Variants in ISL1 observed in about 807,000 individuals in gnomAD.
ISL1 encodes insulin gene enhancer protein ISL-1.
Under a neutral mutation model 35.3 loss-of-function variants are expected in ISL1, and 4 were observed. That is an observed-to-expected ratio of 0.11 (90% CI 0.06 to 0.26). The LOEUF is 0.26. Ranked by LOEUF, ISL1 falls within the 10% of genes least tolerant of loss-of-function variation. ISL1 has a pLI of 1.00. For synonymous variants in ISL1, 186 were observed against 172.3 expected, an observed-to-expected ratio of 1.08 and a Z score of -0.62; for missense variants, 340 against 472.8, an observed-to-expected ratio of 0.72 and a Z score of 2.60.
In ISL1 at chr5:51,383,519, G is replaced by A. The variant is rs1747262787; in HGVS notation, c.-153G>A. Reference sequence around the variant, plus strand: ...TTAAATTGGACTCCTAGATCCGCGAGGGCGCGGCGCAGCCGAGCAGCGGCT... The same window carrying A: ...TTAAATTGGACTCCTAGATCCGCGAAGGCGCGGCGCAGCCGAGCAGCGGCT... On this transcript the variant is annotated 5_prime_UTR_variant, in exon 1 of 6. Coordinates refer to ENST00000230658, the MANE Select transcript of ISL1 (RefSeq NM_002202.3). The A allele has an allele frequency of 1.3e-6, 1 of 742,996 alleles. No homozygotes were observed. Among genetic ancestry groups the A allele is most frequent in the South Asian group, 1.5e-5 (1 of 68,272 alleles). 46.0% of individuals were successfully genotyped at this position (742,996 alleles called of 1,614,324 possible). A position where few individuals can be genotyped will look rare whatever the true frequency, so the allele number is the denominator to read the frequency against.
rs1225957009 is a variant in ISL1, at chr5:51,387,261, AGGAG to A, written c.219-218_219-215del. Reference sequence around the variant, plus strand: ...AAGGAAACGGGAGTAAAAGAAAGGGAGGAGGGAGGGAGGGGAAAAGAGAGATGGG... The same window carrying A: ...AAGGAAACGGGAGTAAAAGAAAGGGAGGAGGGAGGGGAAAAGAGAGATGGG... On this transcript the variant is annotated intron_variant, in intron 2 of 5. Coordinates refer to ENST00000230658, the MANE Select transcript of ISL1 (RefSeq NM_002202.3). This position sits in a 1 kb window ranked among gnomAD's most constrained non-coding sequence, Gnocchi z 4.3. Among the ~76,000 whole-genome samples, 7 of 152,016 alleles carry A rather than the reference AGGAG, an allele frequency of 4.6e-5. No homozygotes were observed. The highest frequency in any genetic ancestry group is 5.9e-5 in the Non-Finnish European group (4 of 68,004).
In ISL1 at chr5:51,389,121, AG is replaced by A. The variant is rs1044640317; in HGVS notation, c.479-524del. Among the ~76,000 whole-genome samples the A allele has an allele frequency of 1.5e-4, 23 of 152,116 alleles. No homozygotes were observed. The highest frequency in any genetic ancestry group is 5.3e-4 in the African/African-American group (22 of 41,446). On this transcript the variant is annotated intron_variant, in intron 3 of 5. Coordinates refer to ENST00000230658, the MANE Select transcript of ISL1 (RefSeq NM_002202.3). The surrounding 1 kb of genome is among the most constrained non-coding windows in gnomAD (Gnocchi z 5.0). ...CCCTTGCAGAAGTCCCTGCTGGTGT[AG>A]TATTTATGGCTGTCACTGAAGTGCT...
At chr5:51,388,895 A>G (rs1353809305) in intron 3 of ISL1, among the ~76,000 whole-genome samples, 3 of 152,108 alleles carry the variant, frequency 2.0e-5, no homozygotes, top group Admixed American at 2.0e-4. Flanking sequence ...CCGTTTATCT[A>G]GAGCCTAGGC....
chr5:51,384,131 C>G (rs1312161367), intron 1 of ISL1, among the ~76,000 whole-genome samples: 2 of 151,844 alleles, frequency 1.3e-5, no homozygotes, highest in Non-Finnish European at 2.9e-5. Flanking sequence ...TATTTAAGAG[C>G]GCGCTTCACG....
At chr5:51,384,782 C>G in intron 2 of ISL1, 52 bp downstream of exon 2, 1 of 1,500,372 alleles carries the variant, frequency 6.7e-7, no homozygotes, top group South Asian at 1.1e-5. Context: ...CTGAATCTCC[C>G]CACTCTTTAT....
At chr5:51,391,608 C>T (rs1402675883) in intron 5 of ISL1, 167 bp downstream of exon 5, 12 of 702,492 alleles carry the variant, frequency 1.7e-5, no homozygotes, top group Non-Finnish European at 2.2e-5. Context: ...GCAGGGAAAA[C>T]GAACCTCTTG....
chr5:51,393,335 C>T (rs1305715762), intron 5 of ISL1, among the ~76,000 whole-genome samples, 159 bp from the exon 6 acceptor site: 1 of 152,218 alleles, frequency 6.6e-6, no homozygotes, highest in African/African-American at 2.4e-5. Context: ...TTTTTCTCCT[C>T]TAGGCTTTCT....
At position 51,389,894 on chromosome 5, in the gene ISL1, A is replaced by G. The variant is rs1486347465; in HGVS notation, c.727A>G (p.Met243Val). 6.2e-7 allele frequency: 1 copy of G among 1,614,140 alleles called. No homozygotes were observed. ...CAAGGACAAGAAGCGAAGCATCATG[A>G]TGAAGCAACTCCAGCAGCAGCAGCC... is the stretch of plus-strand genomic sequence containing the variant. ...RCKDKKRSIMMKQLQQQQPND... is the reference protein window; with the variant it reads ...RCKDKKRSIMVKQLQQQQPND... Residue 243 changes from methionine to valine, a missense_variant, in exon 4 of 6, where the codon ATG becomes GTG. Transcript: ENST00000230658. This position sits in a 1 kb window ranked among gnomAD's most constrained non-coding sequence, Gnocchi z 5.0.
chr5:51,384,135 C>CAGAATATA (rs1211431912), intron 1 of ISL1, among the ~76,000 whole-genome samples: 28 of 151,702 alleles, frequency 1.8e-4, no homozygotes, highest in African/African-American at 6.0e-4. Flanking sequence ...TAAGAGCGCG[C>CAGAATATA]TTCACGGAAA....
At chr5:51,386,133 G>A (rs866214276) in intron 2 of ISL1, 1 of 152,948 alleles carries the variant, frequency 6.5e-6, no homozygotes, top group Non-Finnish European at 1.5e-5. Context: ...TTGAGTAGGC[G>A]GAGGGAGGAA....
intron 4 of ISL1, among the ~76,000 whole-genome samples, chr5:51,390,504 A>C (rs1446437103): frequency 6.6e-6 from 1 of 152,034 alleles, no homozygotes; most frequent in Non-Finnish European, 1.5e-5. Context: ...GGTGAAGCCC[A>C]GGCCTCCACA....
intron 3 of ISL1, among the ~76,000 whole-genome samples, chr5:51,388,713 C>T (rs909121679): frequency 7.6e-4 from 115 of 152,236 alleles, no homozygotes; most frequent in African/African-American, 2.7e-3. Flanking sequence ...CCCTCCCTTA[C>T]CCTTCTGCCT....
intron 3 of ISL1, among the ~76,000 whole-genome samples, chr5:51,388,802 T>G (rs1051429612): frequency 6.6e-6 from 1 of 152,148 alleles, no homozygotes; most frequent in Admixed American, 6.5e-5. Flanking sequence ...GTGCTCCTGT[T>G]CAGTGGAGCC....
rs776087920 is a variant in ISL1 at position 51,387,471 on chromosome 5, TCC to T, written c.219-14_219-13del. On this transcript the variant is annotated splice_polypyrimidine_tract_variant and intron_variant, in intron 2 of 5. Coordinates refer to ENST00000230658, the MANE Select transcript of ISL1 (RefSeq NM_002202.3). This position sits in a 1 kb window ranked among gnomAD's most constrained non-coding sequence, Gnocchi z 4.3. ...TCTCCCCGCTCTGGGCCGCCTCCGCTCCCCCCTCCCCCGCACAGGTTGTACGG... is the reference window on the plus strand; with the variant it reads ...TCTCCCCGCTCTGGGCCGCCTCCGCTCCCCTCCCCCGCACAGGTTGTACGG... The T allele has an allele frequency of 7.4e-6, 12 of 1,613,068 alleles. No individual in the cohort carries two copies. In the East Asian group the frequency reaches 2.7e-4, roughly 36 times the overall value.
chr5:51,383,806 C>A, intron 1 of ISL1, 107 bp downstream of exon 1: 1 of 973,624 alleles, frequency 1.0e-6, no homozygotes, highest in Non-Finnish European at 1.7e-6. Flanking sequence ...GGAGTCATTG[C>A]CTGGAGAAAG....
rs570493073 is a variant in ISL1 at position 51,387,864 on chromosome 5, A to T, written c.478+115A>T. ...GGTCGTAGTGTTTGCCTGCAGTTAAATGAAGTGTTCTGTATGCAATTTGCG... is the reference window on the plus strand; with the variant it reads ...GGTCGTAGTGTTTGCCTGCAGTTAATTGAAGTGTTCTGTATGCAATTTGCG... On this transcript the variant is annotated intron_variant, in intron 3 of 5. Coordinates refer to ENST00000230658, the MANE Select transcript of ISL1 (RefSeq NM_002202.3). This position sits in a 1 kb window ranked among gnomAD's most constrained non-coding sequence, Gnocchi z 4.3. 2.2e-3 allele frequency: 3,056 copies of T among 1,371,156 alleles called. 7 individuals are homozygous for T. The highest frequency in any genetic ancestry group is 4.0e-3 in the South Asian group (318 of 80,148). 84.9% of individuals were successfully genotyped at this position (1,371,156 alleles called of 1,614,324 possible).
Position 51,387,538 on chromosome 5 carries a change from C to A in ISL1, c.267C>A (p.Asn89Lys), listed in dbSNP as rs201853354. 1 of 1,614,192 alleles carries A rather than the reference C, an allele frequency of 6.2e-7. No homozygotes were observed. Among genetic ancestry groups the A allele is most frequent in the African/African-American group, 1.3e-5 (1 of 75,060 alleles). Reference protein sequence around the residue: ...CAKCSIGFSKNDFVMRARSKV... With the variant: ...CAKCSIGFSKKDFVMRARSKV... ...AGTGCAGCATCGGCTTCAGCAAGAA[C>A]GACTTCGTGATGCGTGCCCGCTCCA... The change falls in exon 3 of 6, where the codon AAC (asparagine) becomes AAA (lysine). Residue 89 changes from asparagine to lysine, a missense_variant. Asn to Lys is a moderately conservative substitution (Grantham distance 94). Transcript: ENST00000230658. The surrounding 1 kb of genome is among the most constrained non-coding windows in gnomAD (Gnocchi z 4.3).
rs1029627082 is a variant in ISL1 at position 51,393,821 on chromosome 5, C to A, written c.*211C>A. On this transcript the variant is annotated 3_prime_UTR_variant, in exon 6 of 6. Transcript: ENST00000230658. ...ATGGGATTTTACTAGAATTAAACAA[C>A]AAACAAAACGCAAAACCCAGTATAT... is the stretch of plus-strand genomic sequence containing the variant. 3 of 600,946 alleles carry A rather than the reference C, an allele frequency of 5.0e-6. No homozygotes were observed. The African/African-American group carries it at 5.6e-5, about 11-fold the overall frequency. The allele number at this position is 600,946 out of a possible 1,614,324, so 37.2% of individuals were successfully genotyped here. A position where few individuals can be genotyped will look rare whatever the true frequency, so the allele number is the denominator to read the frequency against.
In ISL1 at chr5:51,394,008, T is replaced by A; in HGVS notation, c.*398T>A. The A allele has an allele frequency of 7.9e-6, 2 of 254,296 alleles. No individual in the cohort carries two copies. Among genetic ancestry groups the A allele is most frequent in the Non-Finnish European group, 1.5e-5 (2 of 129,742 alleles). 15.8% of individuals were successfully genotyped at this position (254,296 alleles called of 1,614,324 possible). A position where few individuals can be genotyped will look rare whatever the true frequency, so the allele number is the denominator to read the frequency against. Reference sequence around the variant, plus strand: ...TCCATCCTAATCTGAATGGTGCTGTTTCTATATTGGTCATTGCCTTGCCAA... The same window carrying A: ...TCCATCCTAATCTGAATGGTGCTGTATCTATATTGGTCATTGCCTTGCCAA... On this transcript the variant is annotated 3_prime_UTR_variant, in exon 6 of 6. Coordinates refer to ENST00000230658, the MANE Select transcript of ISL1 (RefSeq NM_002202.3).
Sources: allele counts gnomAD v4.1 joint callset (sites outside exome capture counted in the v4.1 genomes callset), GRCh38; gene constraint gnomAD v4.1.1; non-coding constraint Gnocchi (gnomAD v3.1); transcripts MANE v1.5; gene names NCBI Gene and HGNC (gene_info 2026-07-23, HGNC 2026-07-21).